The following BTD variants were observed in gnomAD, a reference collection of about 807,000 sequenced individuals.
BTD encodes the protein biotinidase, also known as biocytinase.
Under a neutral mutation model 17.7 loss-of-function variants are expected in BTD, and 13 were observed. The ratio of observed to expected loss-of-function variants is 0.74; its 90% CI spans 0.48 to 1.17. The LOEUF is 1.17. Ranked by LOEUF, BTD falls within the 50% of genes most tolerant of loss-of-function variation. The probability of loss-of-function intolerance (pLI) is 0.00; values close to 1 mark genes in which losing one functional copy is unlikely to be tolerated. For missense variants in BTD, 674 were observed against 650.4 expected, an observed-to-expected ratio of 1.04 and a Z score of -0.39; for synonymous variants, 240 against 245.2, an observed-to-expected ratio of 0.98 and a Z score of 0.20.
At position 15,662,368 on chromosome 3, in the gene BTD, C is replaced by G. The variant is rs1467070519; in HGVS notation, c.399+20311C>G. On this transcript the variant is annotated intron_variant, in intron 3 of 3. Transcript: ENST00000672141. ...ACCTAAGTACTTTGTATGTTGGGTA[C>G]AAATGTAAATAGTATTGTGTTTTAA... Among the ~76,000 whole-genome samples the G allele has an allele frequency of 2.0e-5, 3 of 152,032 alleles. No homozygotes were observed. The East Asian group carries it at 5.8e-4, about 29-fold the overall frequency.
chr3:15,720,906 G>T (rs376922063), intron 4 of BTD: 1 of 1,611,092 alleles, frequency 6.2e-7, no homozygotes, highest in East Asian at 2.2e-5. Context: ...TTCTGATTTT[G>T]TTCCTTACCT....
At position 15,645,385 on chromosome 3, in the gene BTD, A is replaced by T. The variant is rs1209429591; in HGVS notation, c.1469A>T (p.Asp490Val). ...TCAGGGATGACCCTAGAAGTCCCTG[A>T]CCAGCTTGGCTGGGAGAATGACCAC... ...LTSGMTLEVPDQLGWENDHYF... is the reference protein window; with the variant it reads ...LTSGMTLEVPVQLGWENDHYF... Residue 490 changes from aspartate to valine, a missense_variant, in exon 4 of 4, where the codon GAC becomes GTC. Transcript: ENST00000643237. The T allele has an allele frequency of 6.2e-7, 1 of 1,614,146 alleles. No individual in the cohort carries two copies. The highest frequency in any genetic ancestry group is 8.5e-7 in the Non-Finnish European group (1 of 1,180,028).
intron 3 of BTD, among the ~76,000 whole-genome samples, chr3:15,661,264 T>C (rs2065919402): frequency 2.2e-5 from 1 of 46,322 alleles, no homozygotes; most frequent in Admixed American, 3.0e-4. Flanking sequence ...AGACTCTGTC[T>C]CAAAAAAAAA....
In BTD at chr3:15,645,374, A is replaced by G. The variant is rs771721860; in HGVS notation, c.1458A>G (p.Leu486=). The change falls in exon 4 of 4, where the codon CTA becomes CTG. Residue 486 remains leucine (L), a synonymous_variant. Transcript: ENST00000643237. The stretch of plus-strand genomic sequence containing the variant: ...TGTTTCTGACCTCAGGGATGACCCT[A>G]GAAGTCCCTGACCAGCTTGGCTGGG... ...FPLFLTSGMT[L]EVPDQLGWEN... The G allele has an allele frequency of 6.2e-7, 1 of 1,614,230 alleles. No individual in the cohort carries two copies. The highest frequency in any genetic ancestry group is 1.3e-5 in the African/African-American group (1 of 75,076).
In BTD at chr3:15,650,609, A is replaced by G. The variant is rs527674768; in HGVS notation, c.*5121A>G. 1.3e-5 allele frequency among the ~76,000 whole-genome samples: 2 copies of G among 152,184 alleles called. No individual in the cohort carries two copies. Among genetic ancestry groups the G allele is most frequent in the Non-Finnish European group, 2.9e-5 (2 of 68,000 alleles). On this transcript the variant is annotated 3_prime_UTR_variant, in exon 4 of 4. Transcript: ENST00000643237. ...AGACAGACTCTCGTGTAGTTGCAAC[A>G]ATGGCCATGACTTCTAGGCTTCATC... is the stretch of plus-strand genomic sequence containing the variant.
At chr3:15,611,224 T>C (rs925626360) in intron 1 of BTD, among the ~76,000 whole-genome samples, 3 of 152,082 alleles carry the variant, frequency 2.0e-5, no homozygotes, top group African/African-American at 7.2e-5. Context: ...GGGCAGGGCT[T>C]TTAGGAAAGC....
chr3:15,665,801 T>C (rs545287767), intron 3 of BTD, among the ~76,000 whole-genome samples: 1 of 152,348 alleles, frequency 6.6e-6, no homozygotes, highest in South Asian at 2.1e-4. Flanking sequence ...CTTCTTGTGC[T>C]TCTACCATCA....
At chr3:15,673,979 C>T (rs6786338) in intron 3 of BTD, among the ~76,000 whole-genome samples, 1,924 of 151,348 alleles carry the variant, frequency 0.013, 45 homozygotes, top group African/African-American at 0.044. Context: ...AGTTCAAGAC[C>T]GGCCTGGACA....
rs116271632 is a variant in BTD at position 15,607,750 on chromosome 3, T to G, written c.-17+5856T>G. ...GAAATTGCCTGACATAAGATAAAAC[T>G]GATACTGAATATCTTAAAAATAAAA... is the stretch of plus-strand genomic sequence containing the variant. On this transcript the variant is annotated intron_variant, in intron 1 of 3. Transcript: ENST00000643237. 3.6e-3 allele frequency among the ~76,000 whole-genome samples: 546 copies of G among 152,226 alleles called. 4 individuals are homozygous for G. Among genetic ancestry groups the G allele is most frequent in the African/African-American group, 0.013 (520 of 41,526 alleles).
At chr3:15,711,125 G>A in exon 4 of BTD, 1 of 1,186,082 alleles carries the variant, frequency 8.4e-7, no homozygotes, top group South Asian at 1.5e-5. Flanking sequence ...TGGCAGCCCA[G>A]AATTAATAAA....
chr3:15,691,268 C>T (rs887977139), intron 3 of BTD, among the ~76,000 whole-genome samples: 17 of 152,010 alleles, frequency 1.1e-4, no homozygotes, highest in African/African-American at 2.2e-4. Flanking sequence ...GGATTACAGG[C>T]GCATGCCACC....
At chr3:15,687,191 C>A (rs2068230035) in intron 3 of BTD, among the ~76,000 whole-genome samples, 2 of 152,102 alleles carry the variant, frequency 1.3e-5, no homozygotes, top group African/African-American at 2.4e-5. Context: ...GATCCACCCA[C>A]CTCGGCCTCC....
At chr3:15,619,275 T>C (rs2064879550) in intron 1 of BTD, among the ~76,000 whole-genome samples, 2 of 152,242 alleles carry the variant, frequency 1.3e-5, no homozygotes, top group Admixed American at 6.5e-5. Flanking sequence ...GTCAAATACA[T>C]CTATTTGACA....
chr3:15,605,192 A>C (rs1389066560), intron 1 of BTD, among the ~76,000 whole-genome samples: 1 of 152,248 alleles, frequency 6.6e-6, no homozygotes, highest in Non-Finnish European at 1.5e-5. Context: ...AAAGAGGTTT[A>C]ATAGATTCAC....
chr3:15,678,662 C>T (rs2067211961), intron 3 of BTD, among the ~76,000 whole-genome samples: 1 of 152,132 alleles, frequency 6.6e-6, no homozygotes, highest in Admixed American at 6.5e-5. Flanking sequence ...AATCTGAATA[C>T]CACCACTTAT....
intron 1 of BTD, among the ~76,000 whole-genome samples, chr3:15,630,657 A>T (rs1033709014): frequency 2.0e-5 from 3 of 152,206 alleles, no homozygotes; most frequent in African/African-American, 7.2e-5. Flanking sequence ...TCTGTATATC[A>T]TTCTCTTTTT....
chr3:15,602,894 A>C (rs2064314517), intron 1 of BTD, among the ~76,000 whole-genome samples: 1 of 152,198 alleles, frequency 6.6e-6, no homozygotes, highest in Admixed American at 6.5e-5. Context: ...TAATTTATAA[A>C]GAAAAAGAGG....
At chr3:15,679,122 GCAT>G (rs1332830586) in intron 3 of BTD, among the ~76,000 whole-genome samples, 1 of 151,478 alleles carries the variant, frequency 6.6e-6, no homozygotes, top group African/African-American at 2.4e-5. Flanking sequence ...TCACAGGCAT[GCAT>G]CATCATGCAC....
At chr3:15,715,943 T>C (rs138654058), downstream of BTD, among the ~76,000 whole-genome samples, 42 of 152,124 alleles carry the variant, frequency 2.8e-4, no homozygotes, top group African/African-American at 9.4e-4. Flanking sequence ...CCAGATAGGA[T>C]ATATCCTAAT....
Sources: gnomAD v4.1 joint callset for allele counts (sites outside exome capture counted in the v4.1 genomes callset) on GRCh38, gnomAD v4.1.1 for gene constraint, MANE v1.5 for transcripts, NCBI Gene and HGNC (gene_info 2026-07-23, HGNC 2026-07-21) for gene names.